Variants in MED4 observed in about 807,000 individuals in gnomAD.
MED4 encodes the protein mediator complex subunit 4.
A neutral mutation model predicts 35.0 loss-of-function variants in MED4; 21 were observed. The ratio of observed to expected loss-of-function variants is 0.60; its 90% CI spans 0.43 to 0.86. The LOEUF (loss-of-function observed/expected upper bound fraction) is 0.86, where lower values mean the gene tolerates loss of function less well. Among genes scored for constraint, MED4 ranks in the 40% least tolerant of loss-of-function variants. The probability of loss-of-function intolerance (pLI) is 0.00; values close to 1 mark genes in which losing one functional copy is unlikely to be tolerated. For synonymous variants in MED4, 138 were observed against 114.0 expected (o/e 1.21, Z -1.34); for missense variants, 300 against 319.4 (o/e 0.94, Z 0.46).
chr13:48,089,111 C>A (rs1474459747), intron 2 of MED4, among the ~76,000 whole-genome samples: 1 of 152,158 alleles, frequency 6.6e-6, no homozygotes, highest in Non-Finnish European at 1.5e-5. Context: ...CCTATTTAAT[C>A]CCACGGGTAT....
At chr13:48,080,838 A>T (rs1950803172) in intron 5 of MED4, among the ~76,000 whole-genome samples, 1 of 151,300 alleles carries the variant, frequency 6.6e-6, no homozygotes, top group Admixed American at 6.6e-5. Flanking sequence ...AACCTCTTTG[A>T]TCTTGTAATT....
Position 48,079,990 on chromosome 13 carries a change from A to G in MED4, c.509-15T>C, listed in dbSNP as rs1179420698. On this transcript the variant is annotated splice_polypyrimidine_tract_variant and intron_variant, in intron 5 of 6. Coordinates refer to ENST00000258648, the MANE Select transcript of MED4 (RefSeq NM_014166.4). ...CCGGGGGTCCCCTAAAACAATAAAG[A>G]CTGCATTTAATTCAATCATATTTTA... The G allele has an allele frequency of 6.2e-7, 1 of 1,608,452 alleles. No individual in the cohort carries two copies. Among genetic ancestry groups the G allele is most frequent in the Non-Finnish European group, 8.5e-7 (1 of 1,177,508 alleles).
At chr13:48,092,002 C>T (rs7990099) in intron 1 of MED4, among the ~76,000 whole-genome samples, 138,794 of 152,276 alleles carry the variant, frequency 0.91, 63,324 homozygotes, top group East Asian at 1. Context: ...CAGGGCCTGG[C>T]ACAATGGGGA....
chr13:48,089,991 G>T (rs190046784), intron 2 of MED4, among the ~76,000 whole-genome samples: 112 of 152,234 alleles, frequency 7.4e-4, no homozygotes, highest in African/African-American at 2.6e-3. Flanking sequence ...ACAATACACG[G>T]TAAGTTTTTG....
chr13:48,087,829 G>GA (rs1950863704), intron 2 of MED4, among the ~76,000 whole-genome samples: 1 of 151,500 alleles, frequency 6.6e-6, no homozygotes, highest in Non-Finnish European at 1.5e-5. Flanking sequence ...CAGCCTGGGT[G>GA]ACAGAGCAAG....
Position 48,084,250 on chromosome 13 carries a change from A to C in MED4, c.364-822T>G, listed in dbSNP as rs546139378. On this transcript the variant is annotated intron_variant, in intron 3 of 6. Transcript: ENST00000258648. ...ACTCTGGCCTGGGCAATAGAGCAAG[A>C]GCAAGACTCTGTCTCAAAAAAAAAA... Among the ~76,000 whole-genome samples, 12 of 140,492 alleles carry C rather than the reference A, an allele frequency of 8.5e-5. No homozygotes were observed. The South Asian group carries it at 2.2e-3, about 26-fold the overall frequency. 92.2% of individuals were successfully genotyped at this position (140,492 alleles called of 152,430 possible). A position where few individuals can be genotyped will look rare whatever the true frequency, so the allele number is the denominator to read the frequency against.
chr13:48,093,109 T>C (rs1443228462), intron 1 of MED4, among the ~76,000 whole-genome samples: 1 of 152,182 alleles, frequency 6.6e-6, no homozygotes, highest in African/African-American at 2.4e-5. Context: ...CCAGACACAA[T>C]TCCCCATAGA....
At chr13:48,085,437 T>C (rs1287285833) in intron 3 of MED4, among the ~76,000 whole-genome samples, 2 of 152,278 alleles carry the variant, frequency 1.3e-5, no homozygotes, top group East Asian at 3.9e-4. Flanking sequence ...GCGATCCACC[T>C]GCGTTGGCCT....
chr13:48,081,095 C>T (rs1950805217), intron 5 of MED4, among the ~76,000 whole-genome samples: 1 of 152,210 alleles, frequency 6.6e-6, no homozygotes, highest in Admixed American at 6.5e-5. Flanking sequence ...TAATATTTCC[C>T]CTTCCTCCAA....
intron 6 of MED4, among the ~76,000 whole-genome samples, chr13:48,078,317 T>C (rs1950777365): frequency 6.6e-6 from 1 of 152,220 alleles, no homozygotes; most frequent in Non-Finnish European, 1.5e-5. Context: ...CAATTAAGTT[T>C]TGTCAGTAGA....
At position 48,086,391 on chromosome 13, in the gene MED4, T is replaced by A; in HGVS notation, c.254A>T (p.Asn85Ile). 1.2e-6 allele frequency: 2 copies of A among 1,613,790 alleles called. No individual in the cohort carries two copies. Among genetic ancestry groups the A allele is most frequent in the Non-Finnish European group, 1.7e-6 (2 of 1,179,920 alleles). The stretch of plus-strand genomic sequence containing the variant: ...CATTTCATGATGAATTTTTCCCTGA[T>A]TAAGTGCCAATTTCATTAGTTCTTG... ...EFQELMKLAL[N>I]QGKIHHEMQV... Residue 85 changes from asparagine to isoleucine, a missense_variant, in exon 3 of 7, where the codon AAT becomes ATT. Asn to Ile is a moderately radical substitution (Grantham distance 149, BLOSUM62 -3). Coordinates refer to ENST00000258648, the MANE Select transcript of MED4 (RefSeq NM_014166.4).
At position 48,088,519 on chromosome 13, in the gene MED4, G is replaced by C. The variant is rs139007105; in HGVS notation, c.192+1833C>G. On this transcript the variant is annotated intron_variant, in intron 2 of 6. Transcript: ENST00000258648. ...CCTCCCACATCGTAGGAGAAAGCTA[G>C]GTTTCCATTTCTATAAAAGCTGTAT... Among the ~76,000 whole-genome samples, 582 of 152,274 alleles carry C rather than the reference G, an allele frequency of 3.8e-3. 1 individual carries two copies. The highest frequency in any genetic ancestry group is 0.013 in the African/African-American group (545 of 41,548).
At chr13:48,083,786 C>G (rs9526442) in intron 3 of MED4, among the ~76,000 whole-genome samples, 62,790 of 152,024 alleles carry the variant, frequency 0.41, 15,470 homozygotes, top group East Asian at 0.54. Flanking sequence ...AATAAAATAC[C>G]CTTTTTTCCC....
chr13:48,085,824 G>C (rs1950844361), intron 3 of MED4, among the ~76,000 whole-genome samples: 1 of 151,974 alleles, frequency 6.6e-6, no homozygotes, highest in Admixed American at 6.6e-5. Context: ...ACCTAGATGA[G>C]GATGAATGAC....
Position 48,077,129 on chromosome 13 carries a change from T to C in MED4, c.*10A>G, listed in dbSNP as rs1461815673. On this transcript the variant is annotated 3_prime_UTR_variant, in exon 7 of 7. Coordinates refer to ENST00000258648, the MANE Select transcript of MED4 (RefSeq NM_014166.4). ...AGTATTCAATTCTGTATATTGTCTT[T>C]TAAGGTTTTTCAATCAGACTCACTA... is the stretch of plus-strand genomic sequence containing the variant. 2 of 1,592,640 alleles carry C rather than the reference T, an allele frequency of 1.3e-6. No individual in the cohort carries two copies. The highest frequency in any genetic ancestry group is 3.6e-5 in the Admixed American group (2 of 55,436).
intron 1 of MED4, among the ~76,000 whole-genome samples, chr13:48,094,405 T>G (rs1284700229): frequency 6.6e-6 from 1 of 152,174 alleles, no homozygotes; most frequent in East Asian, 1.9e-4. Flanking sequence ...CTAAACAACT[T>G]GCAACTCCAC....
rs1446781558 is a variant in MED4 at position 48,076,097 on chromosome 13, AATTGAT to A, written c.*1036_*1041del. 1.3e-5 allele frequency: 2 copies of A among 152,198 alleles called. No individual in the cohort carries two copies. The highest frequency in any genetic ancestry group is 3.8e-4 in the East Asian group (2 of 5,206). 9.4% of individuals were successfully genotyped at this position (152,198 alleles called of 1,614,324 possible). On this transcript the variant is annotated 3_prime_UTR_variant, in exon 7 of 7. Coordinates refer to ENST00000258648, the MANE Select transcript of MED4 (RefSeq NM_014166.4). ...TTAAAAAAATCTACACTACAATATG[AATTGAT>A]ATTATCTCTGGGTAGAATGCTAACA... is the stretch of plus-strand genomic sequence containing the variant.
chr13:48,082,699 C>T (rs891240571), intron 4 of MED4, among the ~76,000 whole-genome samples: 26 of 152,138 alleles, frequency 1.7e-4, no homozygotes, highest in Admixed American at 5.9e-4. Context: ...TGGTGGCGGG[C>T]GCCTGTAGTC....
intron 1 of MED4, among the ~76,000 whole-genome samples, chr13:48,093,090 C>A (rs1950901617): frequency 6.6e-6 from 1 of 152,182 alleles, no homozygotes; most frequent in African/African-American, 2.4e-5. Flanking sequence ...CAGCATACTG[C>A]ATTAGAATCC....
Sources: gnomAD v4.1 joint callset for allele counts (sites outside exome capture counted in the v4.1 genomes callset) on GRCh38, gnomAD v4.1.1 for gene constraint, MANE v1.5 for transcripts, NCBI Gene and HGNC (gene_info 2026-07-23, HGNC 2026-07-21) for gene names.